DIAPH2: variants seen among roughly 807,000 people sequenced by gnomAD.
The protein encoded by DIAPH2 is diaphanous related formin 2, also known as protein diaphanous homolog 2.
DIAPH2 carries 35 observed loss-of-function variants against 92.7 expected under a neutral mutation model. The observed-to-expected ratio is 0.38, with a 90% CI of 0.29 to 0.50. The LOEUF (loss-of-function observed/expected upper bound fraction) is 0.50, where lower values mean the gene tolerates loss of function less well. Ranked by LOEUF, DIAPH2 falls within the 20% of genes least tolerant of loss-of-function variation. The probability of loss-of-function intolerance (pLI) is 0.94; values close to 1 mark genes in which losing one functional copy is unlikely to be tolerated. For missense variants in DIAPH2, 701 were observed against 819.5 expected, an observed-to-expected ratio of 0.86 and a Z score of 1.77; for synonymous variants, 301 against 280.4, an observed-to-expected ratio of 1.07 and a Z score of -0.73.
intron 26 of DIAPH2, among the ~76,000 whole-genome samples, chrX:97,548,617 C>T (rs1379740690): frequency 7.1e-5 from 8 of 112,318 alleles, no homozygotes; most frequent in African/African-American, 2.6e-4. Flanking sequence ...GCAAAGTTCA[C>T]ATTGCCTTTA....
At chrX:97,095,880 A>G (rs890654441) in intron 19 of DIAPH2, among the ~76,000 whole-genome samples, 3 of 112,494 alleles carry the variant, frequency 2.7e-5, no homozygotes, top group East Asian at 2.8e-4. Flanking sequence ...TGCTCAATCA[A>G]TGACATAGTT....
chrX:97,177,628 C>T (rs1478754082), intron 22 of DIAPH2, among the ~76,000 whole-genome samples: 1 of 107,389 alleles, frequency 9.3e-6, no homozygotes, highest in Non-Finnish European at 1.9e-5. Flanking sequence ...GTAGAATCTA[C>T]AATTTTCACT....
chrX:97,263,475 C>T (rs542764223), intron 23 of DIAPH2, among the ~76,000 whole-genome samples: 19 of 111,496 alleles, frequency 1.7e-4, no homozygotes, highest in Middle Eastern at 4.7e-3. Context: ...TGAGCACCAG[C>T]CATGTGCTAG....
At chrX:96,794,349 C>A (rs1277667471) in intron 4 of DIAPH2, among the ~76,000 whole-genome samples, 1 of 110,837 alleles carries the variant, frequency 9.0e-6, no homozygotes, top group African/African-American at 3.3e-5. Context: ...ATGCCTGAAA[C>A]AAAGTAGGCA....
At chrX:97,348,373 T>C in intron 24 of DIAPH2, 93 bp downstream of exon 24, 4 of 795,440 alleles carry the variant, frequency 5.0e-6, no homozygotes, top group Non-Finnish European at 7.1e-6. Context: ...ATTGACTATA[T>C]TGATTTCATG....
At chrX:96,805,235 A>C (rs540593562) in intron 4 of DIAPH2, among the ~76,000 whole-genome samples, 1 of 110,999 alleles carries the variant, frequency 9.0e-6, no homozygotes, top group Admixed American at 9.7e-5. Context: ...ACACACATAT[A>C]TATACACATA....
intron 4 of DIAPH2, among the ~76,000 whole-genome samples, chrX:96,863,392 C>G (rs893335322): frequency 7.4e-5 from 8 of 108,808 alleles, no homozygotes; most frequent in African/African-American, 2.7e-4. Context: ...GTGACTTTGA[C>G]CAGAACAGTT....
intron 26 of DIAPH2, among the ~76,000 whole-genome samples, chrX:97,547,580 G>C (rs1346944841): frequency 8.9e-6 from 1 of 112,364 alleles, no homozygotes; most frequent in Non-Finnish European, 1.9e-5. Context: ...CATAGGTGCT[G>C]TTTGGATTTC....
intron 17 of DIAPH2, among the ~76,000 whole-genome samples, chrX:97,049,580 T>C (rs751803420): frequency 1.4e-3 from 157 of 111,409 alleles, no homozygotes; most frequent in African/African-American, 4.8e-3. Context: ...TTGATGTTTT[T>C]AAAAATATAT....
intron 22 of DIAPH2, among the ~76,000 whole-genome samples, chrX:97,182,320 G>A: frequency 8.9e-6 from 1 of 112,115 alleles, no homozygotes; most frequent in East Asian, 2.8e-4. Context: ...TATGTGTATA[G>A]TACTGAGAGA....
At chrX:96,884,697 T>C (rs1240380775) in intron 5 of DIAPH2, 5 of 1,208,427 alleles carry the variant, frequency 4.1e-6, no homozygotes, top group Non-Finnish European at 5.6e-6. Flanking sequence ...AAGTGTTTGG[T>C]ATCCTCAAAT....
chrX:97,286,511 A>G (rs2068544649), intron 23 of DIAPH2, among the ~76,000 whole-genome samples: 1 of 111,501 alleles, frequency 9.0e-6, no homozygotes, highest in Non-Finnish European at 1.9e-5. Flanking sequence ...CTCCTCTGCA[A>G]TTCCCTTAAT....
intron 26 of DIAPH2, among the ~76,000 whole-genome samples, chrX:97,550,530 G>A (rs2071212483): frequency 9.0e-6 from 1 of 110,951 alleles, no homozygotes; most frequent in Non-Finnish European, 1.9e-5. Context: ...CTTACATTCT[G>A]CCTCATGACC....
chrX:97,021,764 C>T (rs974343946), intron 17 of DIAPH2, among the ~76,000 whole-genome samples: 3 of 111,637 alleles, frequency 2.7e-5, no homozygotes, highest in East Asian at 2.8e-4. Context: ...TAAAGAAACA[C>T]GCTCTGAGGC....
intron 12 of DIAPH2, among the ~76,000 whole-genome samples, chrX:96,940,574 A>G (rs1602648234): frequency 8.9e-6 from 1 of 112,153 alleles, no homozygotes; most frequent in East Asian, 2.8e-4. Context: ...TGAGGTCAGC[A>G]CAGTCTCAAC....
In DIAPH2 at chrX:96,883,995, G is replaced by C. The variant is rs937473962; in HGVS notation, c.587+2277G>C. 3.2e-4 allele frequency: 66 copies of C among 208,362 alleles called. No homozygotes were observed. In the Middle Eastern group the frequency reaches 4.4e-3, roughly 14 times the overall value. 17.2% of individuals were successfully genotyped at this position (208,362 alleles called of 1,213,427 possible). On this transcript the variant is annotated intron_variant, in intron 5 of 26. Coordinates refer to ENST00000324765, the MANE Select transcript of DIAPH2 (RefSeq NM_006729.5). ...TTTTAATAGATAGGCGCTTTGACCA[G>C]CTAAGCAACAGGGCTCCCCTCGTGT...
At chrX:97,151,364 CTT>C (rs2067284457) in intron 22 of DIAPH2, among the ~76,000 whole-genome samples, 2 of 111,754 alleles carry the variant, frequency 1.8e-5, no homozygotes, top group Admixed American at 9.5e-5. Flanking sequence ...GGTCCTCTTG[CTT>C]TTACCCATGC....
At chrX:97,531,344 A>G (rs1192744422) in intron 26 of DIAPH2, among the ~76,000 whole-genome samples, 1 of 110,601 alleles carries the variant, frequency 9.0e-6, no homozygotes, top group Non-Finnish European at 1.9e-5. Flanking sequence ...GTTTTCTAAT[A>G]GAAGAAATAG....
At chrX:96,778,128 T>C (rs1322212869) in intron 4 of DIAPH2, among the ~76,000 whole-genome samples, 2 of 104,580 alleles carry the variant, frequency 1.9e-5, no homozygotes, top group Non-Finnish European at 3.9e-5. Flanking sequence ...TGAGAACATG[T>C]GGTGTCTGGT....
Sources: gnomAD v4.1 joint callset for allele counts (sites outside exome capture counted in the v4.1 genomes callset) on GRCh38, gnomAD v4.1.1 for gene constraint, MANE v1.5 for transcripts, NCBI Gene and HGNC (gene_info 2026-07-23, HGNC 2026-07-21) for gene names.